The following ASCC1 variants were observed in gnomAD, a reference collection of about 807,000 sequenced individuals.
ASCC1 encodes ASC-1 complex subunit P50.
ASCC1 carries 35 observed loss-of-function variants against 46.6 expected under a neutral mutation model. The observed-to-expected ratio is 0.75, with a 90% CI of 0.57 to 0.99. The LOEUF (loss-of-function observed/expected upper bound fraction) is 0.99. ASCC1 is among the 50% of genes least tolerant of loss of function. ASCC1 has a pLI of 0.00. For synonymous variants in ASCC1, 143 were observed against 146.6 expected, an observed-to-expected ratio of 0.98 and a Z score of 0.18; for missense variants, 376 against 428.7, an observed-to-expected ratio of 0.88 and a Z score of 1.09.
Position 72,097,137 on chromosome 10 carries a change from C to T in ASCC1, c.*197G>A. ...ACACTAAGGGTTATAGGCACAAATT[C>T]TCCTTATGCCCACCACCATCTCAGC... is the stretch of plus-strand genomic sequence containing the variant. On this transcript the variant is annotated 3_prime_UTR_variant, in exon 10 of 10. Coordinates refer to ENST00000672957, the MANE Select transcript of ASCC1 (RefSeq NM_001198800.3). 1.5e-6 allele frequency: 1 copy of T among 666,672 alleles called. No individual in the cohort carries two copies. Among genetic ancestry groups the T allele is most frequent in the Non-Finnish European group, 2.8e-6 (1 of 356,892 alleles). The allele number at this position is 666,672 out of a possible 1,614,324, so 41.3% of individuals were successfully genotyped here.
intron 9 of ASCC1, among the ~76,000 whole-genome samples, chr10:72,111,070 C>T (rs1420875462): frequency 2.0e-5 from 3 of 152,212 alleles, no homozygotes; most frequent in Non-Finnish European, 2.9e-5. Flanking sequence ...TAATCTAATT[C>T]AGATGGCCCT....
At chr10:72,197,467 C>CAAAAAAAA (rs59460393) in intron 4 of ASCC1, among the ~76,000 whole-genome samples, 3 of 51,376 alleles carry the variant, frequency 5.8e-5, no homozygotes, top group African/African-American at 1.6e-4. Context: ...GACTCTATCT[C>CAAAAAAAA]AAAAAAAAAA....
rs1398561287 is a variant in ASCC1, at chr10:72,097,019, C to T, written c.*315G>A. The T allele has an allele frequency of 1.3e-5, 6 of 461,606 alleles. No individual in the cohort carries two copies. Among genetic ancestry groups the T allele is most frequent in the South Asian group, 9.3e-5 (6 of 64,556 alleles). 28.6% of individuals were successfully genotyped at this position (461,606 alleles called of 1,614,324 possible). A position where few individuals can be genotyped will look rare whatever the true frequency, so the allele number is the denominator to read the frequency against. On this transcript the variant is annotated 3_prime_UTR_variant, in exon 10 of 10. Transcript: ENST00000672957. ...GCATTATGAATGTATTAACAGTTAA[C>T]GTTACTGAACTGTGCACTTAAAAAT...
At chr10:72,207,141 AGTGGTTCATGCCT>A (rs1355252998) in intron 3 of ASCC1, among the ~76,000 whole-genome samples, 4 of 152,314 alleles carry the variant, frequency 2.6e-5, no homozygotes, top group South Asian at 2.1e-4. Flanking sequence ...GGCCAGACAC[AGTGGTTCATGCCT>A]GTAATCCCAG....
chr10:72,171,465 C>T (rs1851072383), intron 5 of ASCC1, among the ~76,000 whole-genome samples: 1 of 151,988 alleles, frequency 6.6e-6, no homozygotes, highest in Non-Finnish European at 1.5e-5. Flanking sequence ...CTTGCTCTGT[C>T]GCCCAGGCTG....
chr10:72,217,087 A>G (rs1380935745), upstream of ASCC1: 4 of 453,980 alleles, frequency 8.8e-6, no homozygotes, highest in African/African-American at 8.0e-5. Flanking sequence ...CTGGAAGCAC[A>G]GTGGAAACAC....
chr10:72,097,162 C>CTCCTTA lies in ASCC1; in HGVS notation c.*171_*172insTAAGGA, dbSNP rs773562857. The CTCCTTA allele has an allele frequency of 5.6e-6, 4 of 709,588 alleles. No homozygotes were observed. The highest frequency in any genetic ancestry group is 5.5e-5 in the South Asian group (4 of 72,142). The allele number at this position is 709,588 out of a possible 1,614,324, so 44.0% of individuals were successfully genotyped here. A position where few individuals can be genotyped will look rare whatever the true frequency, so the allele number is the denominator to read the frequency against. On this transcript the variant is annotated 3_prime_UTR_variant, in exon 10 of 10. Transcript: ENST00000672957. ...CTCCTTATGCCCACCACCATCTCAGCTGGTAGTATGACGGGTGTAGACACC... is the reference window on the plus strand; with the variant it reads ...CTCCTTATGCCCACCACCATCTCAGCTCCTTATGGTAGTATGACGGGTGTAGACACC...
At chr10:72,189,586 T>C (rs1376939141) in intron 5 of ASCC1, among the ~76,000 whole-genome samples, 3 of 152,020 alleles carry the variant, frequency 2.0e-5, no homozygotes, top group South Asian at 2.1e-4. Context: ...GTGGATCACC[T>C]GAGGTCAGGA....
chr10:72,193,935 C>T (rs1564734090), intron 5 of ASCC1, among the ~76,000 whole-genome samples: 2 of 151,162 alleles, frequency 1.3e-5, no homozygotes, highest in South Asian at 2.1e-4. Flanking sequence ...CCCGGATTCA[C>T]GTCACTCTCC....
chr10:72,192,862 C>CA (rs1173291153), intron 5 of ASCC1, among the ~76,000 whole-genome samples: 1 of 151,450 alleles, frequency 6.6e-6, no homozygotes, highest in Non-Finnish European at 1.5e-5. Context: ...ATAAGGATGG[C>CA]AAAAAAAGCA....
intron 5 of ASCC1, among the ~76,000 whole-genome samples, chr10:72,176,549 T>C (rs949951499): frequency 1.9e-4 from 29 of 152,000 alleles, no homozygotes; most frequent in African/African-American, 6.3e-4. Context: ...TTCACTATGT[T>C]GCCCAGGCTG....
At chr10:72,163,416 T>C (rs1849946654) in intron 5 of ASCC1, among the ~76,000 whole-genome samples, 2 of 151,980 alleles carry the variant, frequency 1.3e-5, no homozygotes, top group Non-Finnish European at 2.9e-5. Context: ...ATACACACAG[T>C]GGAATATTAT....
intron 4 of ASCC1, among the ~76,000 whole-genome samples, chr10:72,199,997 T>C (rs909032259): frequency 3.3e-5 from 5 of 152,076 alleles, no homozygotes; most frequent in Admixed American, 2.6e-4. Flanking sequence ...CCTCCCAAAG[T>C]GTTGGGATTA....
chr10:72,151,653 T>C lies in ASCC1; in HGVS notation c.746+1216A>G, dbSNP rs139575696. 3.9e-3 allele frequency among the ~76,000 whole-genome samples: 598 copies of C among 152,310 alleles called. 3 individuals are homozygous for C. Among genetic ancestry groups the C allele is most frequent in the African/African-American group, 0.013 (542 of 41,568 alleles). Reference sequence around the variant, plus strand: ...TAATGTAAGTCTGTGCCAAGCACTATTTTAAGCATTTTAAATAATTTAAGT... The same window carrying C: ...TAATGTAAGTCTGTGCCAAGCACTACTTTAAGCATTTTAAATAATTTAAGT... On this transcript the variant is annotated intron_variant, in intron 7 of 9. Coordinates refer to ENST00000672957, the MANE Select transcript of ASCC1 (RefSeq NM_001198800.3).
intron 3 of ASCC1, among the ~76,000 whole-genome samples, chr10:72,205,089 C>CT: frequency 6.6e-6 from 1 of 152,346 alleles, no homozygotes; most frequent in South Asian, 2.1e-4. Flanking sequence ...AGAAGGATCC[C>CT]TTAAGCCCAG....
At chr10:72,165,615 G>A (rs1850237978) in intron 5 of ASCC1, among the ~76,000 whole-genome samples, 1 of 152,222 alleles carries the variant, frequency 6.6e-6, no homozygotes, top group African/African-American at 2.4e-5. Flanking sequence ...TGCAACAGTA[G>A]TTAGTTGACT....
intron 9 of ASCC1, chr10:72,103,029 C>G (rs1841959487): frequency 1.2e-5 from 5 of 428,208 alleles, no homozygotes; most frequent in Non-Finnish European, 1.8e-5. Flanking sequence ...GTATTGACAA[C>G]AACAGTAATA....
At chr10:72,144,996 T>C (rs1847465077) in intron 7 of ASCC1, among the ~76,000 whole-genome samples, 1 of 152,256 alleles carries the variant, frequency 6.6e-6, no homozygotes, top group Non-Finnish European at 1.5e-5. Flanking sequence ...CTCTCCGTTT[T>C]TGTTCATCTC....
Position 72,128,149 on chromosome 10 carries a change from A to C in ASCC1, c.890T>G (p.Leu297Arg), listed in dbSNP as rs762481121. 6 of 1,613,596 alleles carry C rather than the reference A, an allele frequency of 3.7e-6. No individual in the cohort carries two copies. In the South Asian group the frequency reaches 4.4e-5, roughly 12 times the overall value. ...GATATATTTGCCTTCCGCTGTGTAG[A>C]GATTGTACCTGCCTTCAGCTGTAAA... is the stretch of plus-strand genomic sequence containing the variant. ...KDPNAEGRYN[L>R]YTAEGKYIFK... is the part of the protein sequence containing the mutation. The change falls in exon 9 of 10, where the codon CTC becomes CGC. Residue 297 changes from leucine (L) to arginine (R), a missense_variant. Leu to Arg is a moderately radical substitution (Grantham distance 102, BLOSUM62 -2). Transcript: ENST00000672957.
Sources: gnomAD v4.1 joint callset for allele counts (sites outside exome capture counted in the v4.1 genomes callset) on GRCh38, gnomAD v4.1.1 for gene constraint, MANE v1.5 for transcripts, NCBI Gene and HGNC (gene_info 2026-07-23, HGNC 2026-07-21) for gene names.